Variants in FLRT2 observed in about 807,000 individuals in gnomAD.
FLRT2 encodes fibronectin leucine rich transmembrane protein 2.
In FLRT2, 15 loss-of-function variants were observed where a neutral mutation model predicts 40.0. The ratio of observed to expected loss-of-function variants is 0.38; its 90% CI spans 0.25 to 0.58. The LOEUF is 0.58. FLRT2 is among the 20% of genes least tolerant of loss of function. FLRT2 has a pLI of 0.71. For missense variants in FLRT2, 726 were observed against 840.0 expected (o/e 0.86, Z 1.68); for synonymous variants, 380 against 336.8 (o/e 1.13, Z -1.41).
rs1415193765 is a variant in FLRT2, at chr14:85,653,336, C to G, written c.*29839C>G. 1 of 152,070 alleles carries G rather than the reference C, an allele frequency of 6.6e-6. No individual in the cohort carries two copies. The highest frequency in any genetic ancestry group is 1.5e-5 in the Non-Finnish European group (1 of 68,016). 9.4% of individuals were successfully genotyped at this position (152,070 alleles called of 1,614,324 possible). On this transcript the variant is annotated 3_prime_UTR_variant, in exon 2 of 2. Transcript: ENST00000330753. ...TAGATGAGAAATCTTCTGGTGCCAT[C>G]AATGGGATGCAATTTGGCTAGTCAC...
chr14:85,649,705 T>A lies in FLRT2; in HGVS notation c.*26208T>A, dbSNP rs1894388454. On this transcript the variant is annotated 3_prime_UTR_variant, in exon 2 of 2. Coordinates refer to ENST00000330753, the MANE Select transcript of FLRT2 (RefSeq NM_013231.6). The stretch of plus-strand genomic sequence containing the variant: ...CACTTTTCCTCACTATAAAATTTAA[T>A]GAACCTTATATCATTAATATTTTTG... 6.6e-6 allele frequency: 1 copy of A among 152,138 alleles called. No individual in the cohort carries two copies. Among genetic ancestry groups the A allele is most frequent in the Non-Finnish European group, 1.5e-5 (1 of 67,994 alleles). 9.4% of individuals were successfully genotyped at this position (152,138 alleles called of 1,614,324 possible).
chr14:85,616,554 C>T (rs544858504), intron 1 of FLRT2, among the ~76,000 whole-genome samples: 158 of 152,276 alleles, frequency 1.0e-3, no homozygotes, highest in African/African-American at 3.5e-3. Context: ...GGATTCATCT[C>T]TGGCTTCACA....
chr14:85,573,055 G>C (rs1890965636), intron 1 of FLRT2, among the ~76,000 whole-genome samples: 1 of 152,040 alleles, frequency 6.6e-6, no homozygotes, highest in Non-Finnish European at 1.5e-5. Flanking sequence ...ATTTCTTTGT[G>C]AGTCATCATT....
At chr14:85,601,497 G>A (rs115626851) in intron 1 of FLRT2, among the ~76,000 whole-genome samples, 1,667 of 152,286 alleles carry the variant, frequency 0.011, 24 homozygotes, top group African/African-American at 0.037. Context: ...GCTGGTGAAT[G>A]GCAAGCTGCA....
At chr14:85,618,274 A>G (rs1893222151) in intron 1 of FLRT2, among the ~76,000 whole-genome samples, 1 of 152,206 alleles carries the variant, frequency 6.6e-6, no homozygotes, top group South Asian at 2.1e-4. Context: ...TTCTTTTTAC[A>G]TATGAACTTA....
chr14:85,645,246 ATACATGTGTATATATG>A lies in FLRT2; in HGVS notation c.*21752_*21767del, dbSNP rs1894267818. ...TGTATATATGTATATACATATATGTATACATGTGTATATATGTATACATGTGTATATATGTATATAC... is the reference window on the plus strand; with the variant it reads ...TGTATATATGTATATACATATATGTATATACATGTGTATATATGTATATAC... On this transcript the variant is annotated 3_prime_UTR_variant, in exon 2 of 2. Transcript: ENST00000330753. 9.9e-6 allele frequency: 1 copy of A among 101,000 alleles called. No homozygotes were observed. Among genetic ancestry groups the A allele is most frequent in the Non-Finnish European group, 2.0e-5 (1 of 49,406 alleles). 6.3% of individuals were successfully genotyped at this position (101,000 alleles called of 1,614,324 possible).
In FLRT2 at chr14:85,648,917, A is replaced by G. The variant is rs1209724837; in HGVS notation, c.*25420A>G. ...AATTAAATAACATTTTTCTGAATGA[A>G]TAGATTTTAAACCATGTGTGAGCAG... On this transcript the variant is annotated 3_prime_UTR_variant, in exon 2 of 2. Coordinates refer to ENST00000330753, the MANE Select transcript of FLRT2 (RefSeq NM_013231.6). 6.6e-5 allele frequency: 10 copies of G among 152,152 alleles called. No homozygotes were observed. The East Asian group carries it at 1.9e-3, about 29-fold the overall frequency. The allele number at this position is 152,152 out of a possible 1,614,324, so 9.4% of individuals were successfully genotyped here.
At position 85,648,968 on chromosome 14, in the gene FLRT2, A is replaced by C. The variant is rs1566776013; in HGVS notation, c.*25471A>C. On this transcript the variant is annotated 3_prime_UTR_variant, in exon 2 of 2. Transcript: ENST00000330753. ...TCACAGAATTCACTGATCTATTATA[A>C]TTTACCAATTCCTTTGCATCATAGC... The C allele has an allele frequency of 6.6e-6, 1 of 152,122 alleles. No individual in the cohort carries two copies. Among genetic ancestry groups the C allele is most frequent in the Non-Finnish European group, 1.5e-5 (1 of 68,000 alleles). 9.4% of individuals were successfully genotyped at this position (152,122 alleles called of 1,614,324 possible). A position where few individuals can be genotyped will look rare whatever the true frequency, so the allele number is the denominator to read the frequency against.
rs116057986 is a variant in FLRT2, at chr14:85,646,082, C to T, written c.*22585C>T. 6.6e-6 allele frequency: 1 copy of T among 150,628 alleles called. No homozygotes were observed. Among genetic ancestry groups the T allele is most frequent in the Non-Finnish European group, 1.5e-5 (1 of 67,908 alleles). 9.3% of individuals were successfully genotyped at this position (150,628 alleles called of 1,614,324 possible). A position where few individuals can be genotyped will look rare whatever the true frequency, so the allele number is the denominator to read the frequency against. ...TGGGACATTATTATGGTGACCCATA[C>T]AACATCACTTTTAAACAGTGGATTT... On this transcript the variant is annotated 3_prime_UTR_variant, in exon 2 of 2. Transcript: ENST00000330753.
intron 1 of FLRT2, among the ~76,000 whole-genome samples, chr14:85,569,300 G>A (rs1890788643): frequency 6.6e-6 from 1 of 152,226 alleles, no homozygotes; most frequent in Non-Finnish European, 1.5e-5. Flanking sequence ...CGTGGGCAAT[G>A]CAGGTTTCCT....
intron 1 of FLRT2, among the ~76,000 whole-genome samples, chr14:85,569,951 T>G (rs1200622971): frequency 6.6e-6 from 1 of 152,190 alleles, no homozygotes; most frequent in Non-Finnish European, 1.5e-5. Flanking sequence ...GTATGGCCAT[T>G]TTGTCTACCA....
intron 1 of FLRT2, among the ~76,000 whole-genome samples, chr14:85,560,424 A>G (rs534690522): frequency 6.6e-6 from 1 of 151,978 alleles, no homozygotes; most frequent in South Asian, 2.1e-4. Flanking sequence ...AAAATACAAA[A>G]ATTATCAGGG....
rs1894065456 is a variant in FLRT2, at chr14:85,638,527, T to C, written c.*15030T>C. On this transcript the variant is annotated 3_prime_UTR_variant, in exon 2 of 2. Transcript: ENST00000330753. ...CCACAGGTGTCAGCTGCAAAAACCC[T>C]CCCAAGTAAGCCTCTTGTATGCTAC... 2 of 152,178 alleles carry C rather than the reference T, an allele frequency of 1.3e-5. No individual in the cohort carries two copies. The highest frequency in any genetic ancestry group is 1.9e-4 in the East Asian group (1 of 5,190). The allele number at this position is 152,178 out of a possible 1,614,324, so 9.4% of individuals were successfully genotyped here.
chr14:85,618,202 C>G (rs1475002303), intron 1 of FLRT2, among the ~76,000 whole-genome samples: 1 of 152,158 alleles, frequency 6.6e-6, no homozygotes, highest in Non-Finnish European at 1.5e-5. Context: ...CCATCATCCT[C>G]AAGTATTGAT....
chr14:85,617,522 C>T (rs565183841), intron 1 of FLRT2, among the ~76,000 whole-genome samples: 3 of 152,232 alleles, frequency 2.0e-5, no homozygotes, highest in Non-Finnish European at 2.9e-5. Context: ...TACATTCTTT[C>T]TCTGTAAATA....
At chr14:85,564,692 C>T (rs1890537386) in intron 1 of FLRT2, among the ~76,000 whole-genome samples, 1 of 152,202 alleles carries the variant, frequency 6.6e-6, no homozygotes, top group Non-Finnish European at 1.5e-5. Context: ...AACTCTATTA[C>T]AGAAAAATAC....
rs35764416 is a variant in FLRT2 at position 85,636,390 on chromosome 14, G to GAAAAAAAAAA, written c.*12902_*12911dup. 1.2e-4 allele frequency: 9 copies of GAAAAAAAAAA among 75,300 alleles called. 1 individual carries two copies. The highest frequency in any genetic ancestry group is 5.4e-4 in the South Asian group (1 of 1,842). The allele number at this position is 75,300 out of a possible 1,614,324, so 4.7% of individuals were successfully genotyped here. Reference sequence around the variant, plus strand: ...AAAATCAAAGGTGAAGTCACCTGCAGAAAAAAAAAAAAAAAAAACAAAAAA... The same window carrying GAAAAAAAAAA: ...AAAATCAAAGGTGAAGTCACCTGCAGAAAAAAAAAAAAAAAAAAAAAAAAAAAACAAAAAA... On this transcript the variant is annotated 3_prime_UTR_variant, in exon 2 of 2. Coordinates refer to ENST00000330753, the MANE Select transcript of FLRT2 (RefSeq NM_013231.6).
intron 1 of FLRT2, chr14:85,559,328 C>CT (rs1294336432): frequency 2.0e-5 from 3 of 152,104 alleles, no homozygotes; most frequent in Admixed American, 2.0e-4. Flanking sequence ...TGGGAAGACT[C>CT]CAGGAGGTGA....
chr14:85,579,430 GA>G (rs1305846851), intron 1 of FLRT2, among the ~76,000 whole-genome samples: 3 of 152,048 alleles, frequency 2.0e-5, no homozygotes, highest in Admixed American at 2.0e-4. Flanking sequence ...CAAGTACCAG[GA>G]TTTGGAAATT....
Sources: gnomAD v4.1 joint callset for allele counts (sites outside exome capture counted in the v4.1 genomes callset) on GRCh38, gnomAD v4.1.1 for gene constraint, MANE v1.5 for transcripts, NCBI Gene and HGNC (gene_info 2026-07-23, HGNC 2026-07-21) for gene names.